The following ALLC variants were observed in gnomAD, a reference collection of about 807,000 sequenced individuals.
ALLC encodes probable inactive allantoicase.
In ALLC, 40 loss-of-function variants were observed where a neutral mutation model predicts 45.0. That is an observed-to-expected ratio of 0.89 (90% CI 0.69 to 1.16). The LOEUF is 1.16. Ranked by LOEUF, ALLC falls within the 50% of genes most tolerant of loss-of-function variation. The probability of loss-of-function intolerance (pLI) is 0.00; values close to 1 mark genes in which losing one functional copy is unlikely to be tolerated. For synonymous variants in ALLC, 176 were observed against 178.1 expected (o/e 0.99, Z 0.09); for missense variants, 488 against 493.1 (o/e 0.99, Z 0.10).
At chr2:3,648,970 G>A in the ALLC span, among the ~76,000 whole-genome samples, 1 of 152,110 alleles carries the variant, frequency 6.6e-6, no homozygotes, top group Non-Finnish European at 1.5e-5. Flanking sequence ...AGTACTGGGT[G>A]TTGAGTACTG....
Position 3,702,665 on chromosome 2 carries a change from T to A in ALLC, c.*102T>A. 7.9e-7 allele frequency: 1 copy of A among 1,265,682 alleles called. No homozygotes were observed. Among genetic ancestry groups the A allele is most frequent in the Non-Finnish European group, 1.1e-6 (1 of 937,710 alleles). 78.4% of individuals were successfully genotyped at this position (1,265,682 alleles called of 1,614,324 possible). ...CTGGTGATTTAATAAAGTGGTCGTCTCACAAATTGATCTCTGTATTTAATG... is the reference window on the plus strand; with the variant it reads ...CTGGTGATTTAATAAAGTGGTCGTCACACAAATTGATCTCTGTATTTAATG... On this transcript the variant is annotated 3_prime_UTR_variant, in exon 12 of 12. Coordinates refer to ENST00000252505, the MANE Select transcript of ALLC (RefSeq NM_018436.4).
intron 7 of ALLC, among the ~76,000 whole-genome samples, chr2:3,690,443 T>C (rs867502444): frequency 5.2e-5 from 1 of 19,364 alleles, no homozygotes; most frequent in Non-Finnish European, 8.7e-5. Flanking sequence ...CCCCCTCCCC[T>C]CCCCTCCCCT....
the ALLC span, among the ~76,000 whole-genome samples, chr2:3,652,337 T>C: frequency 6.6e-6 from 1 of 152,264 alleles, no homozygotes; most frequent in African/African-American, 2.4e-5. Context: ...CGGGGCCATT[T>C]TGTGGGCCTG....
At chr2:3,701,091 C>T (rs950041391) in intron 10 of ALLC, among the ~76,000 whole-genome samples, 1 of 152,186 alleles carries the variant, frequency 6.6e-6, no homozygotes, top group Admixed American at 6.5e-5. Context: ...TCAGTATTTC[C>T]TTTTGATTGT....
intron 7 of ALLC, chr2:3,695,472 A>C (rs180698431): frequency 2.2e-4 from 98 of 454,202 alleles, no homozygotes; most frequent in Admixed American, 6.5e-4. Context: ...GACTTTTCTG[A>C]GGCCATGCCT....
the ALLC span, among the ~76,000 whole-genome samples, chr2:3,648,200 C>T: frequency 6.6e-6 from 1 of 152,152 alleles, no homozygotes; most frequent in African/African-American, 2.4e-5. Context: ...TCCATTTCTC[C>T]CCCCATTAAG....
At chr2:3,662,535 A>T (rs1341907760) in intron 1 of ALLC, among the ~76,000 whole-genome samples, 1 of 152,234 alleles carries the variant, frequency 6.6e-6, no homozygotes, top group Non-Finnish European at 1.5e-5. Flanking sequence ...ACTAATTTCA[A>T]GGCGCCACCT....
intron 1 of ALLC, among the ~76,000 whole-genome samples, chr2:3,660,792 A>ATCGG (rs1453924593): frequency 4.5e-4 from 68 of 152,106 alleles, no homozygotes; most frequent in African/African-American, 1.5e-3. Flanking sequence ...AGAGCAGGAA[A>ATCGG]ACGGAATGAG....
chr2:3,679,738 T>G (rs1377114565), intron 4 of ALLC, 131 bp from the exon 5 acceptor site: 1 of 1,272,666 alleles, frequency 7.9e-7, no homozygotes, highest in Admixed American at 1.8e-5. Context: ...AGAACCGCCC[T>G]GAACAGTTTT....
chr2:3,686,637 C>T, intron 7 of ALLC, among the ~76,000 whole-genome samples: 1 of 150,670 alleles, frequency 6.6e-6, no homozygotes, highest in East Asian at 2.0e-4. Context: ...TTATAGTTTT[C>T]CTTGTATAGC....
upstream of ALLC, among the ~76,000 whole-genome samples, chr2:3,655,451 A>G (rs17445240): frequency 0.07 from 10,715 of 152,166 alleles, 447 homozygotes; most frequent in East Asian, 0.11. Context: ...CAAAGGAATG[A>G]CTAGTTTGTT....
intron 1 of ALLC, among the ~76,000 whole-genome samples, chr2:3,663,811 C>G (rs1042322185): frequency 2.0e-5 from 3 of 152,190 alleles, no homozygotes; most frequent in African/African-American, 4.8e-5. Context: ...CATGCACAAA[C>G]ATGCTTTGTA....
chr2:3,674,671 G>A (rs986487440), intron 3 of ALLC, among the ~76,000 whole-genome samples: 3 of 152,150 alleles, frequency 2.0e-5, no homozygotes, highest in East Asian at 1.9e-4. Context: ...TGTGGGCAGC[G>A]GCCATCTGGT....
intron 7 of ALLC, among the ~76,000 whole-genome samples, chr2:3,687,194 T>C (rs1667353399): frequency 6.6e-6 from 1 of 150,930 alleles, no homozygotes; most frequent in African/African-American, 2.4e-5. Context: ...TTTATCGAAA[T>C]GATCATATGG....
chr2:3,683,998 GT>G (rs1667263857), intron 7 of ALLC, among the ~76,000 whole-genome samples: 2 of 151,988 alleles, frequency 1.3e-5, no homozygotes, highest in African/African-American at 4.8e-5. Flanking sequence ...CCGTTCATTA[GT>G]TGACAGACAC....
In ALLC at chr2:3,679,916, G is replaced by A. The variant is rs763696982; in HGVS notation, c.220G>A (p.Gly74Ser). 2 of 1,613,846 alleles carry A rather than the reference G, an allele frequency of 1.2e-6. No homozygotes were observed. The highest frequency in any genetic ancestry group is 1.7e-6 in the Non-Finnish European group (2 of 1,179,886). The change falls in exon 5 of 12, where the codon GGC becomes AGC. Residue 74 changes from glycine to serine, a missense_variant. Physicochemically the swap from Gly to Ser is moderately conservative, Grantham distance 56 (BLOSUM62 0). Transcript: ENST00000252505. ...GCTGGGGATCCAAGGAGTCATCCGG[G>A]GCTTCGACGTGGACGTTTCTTACTT... ...LRLGIQGVIRGFDVDVSYFTG... is the reference protein window; with the variant it reads ...LRLGIQGVIRSFDVDVSYFTG...
chr2:3,669,009 C>T (rs1416311724), intron 1 of ALLC, among the ~76,000 whole-genome samples: 1 of 152,158 alleles, frequency 6.6e-6, no homozygotes, highest in African/African-American at 2.4e-5. Flanking sequence ...TTCACCTTTG[C>T]CCTCATACAC....
chr2:3,695,564 G>A (rs989046938), intron 7 of ALLC, 153 bp from the exon 8 acceptor site: 1 of 748,472 alleles, frequency 1.3e-6, no homozygotes, highest in African/African-American at 1.8e-5. Flanking sequence ...CAAAGGCCCT[G>A]GGGCAGTGGG....
chr2:3,666,902 G>A (rs1240850942), intron 1 of ALLC, among the ~76,000 whole-genome samples: 1 of 152,218 alleles, frequency 6.6e-6, no homozygotes, highest in East Asian at 1.9e-4. Context: ...TCAGCAGGGA[G>A]GCCGCAGGTG....
Sources: allele counts gnomAD v4.1 joint callset (sites outside exome capture counted in the v4.1 genomes callset), GRCh38; gene constraint gnomAD v4.1.1; transcripts MANE v1.5; gene names NCBI Gene and HGNC (gene_info 2026-07-23, HGNC 2026-07-21).